The following TMTC2 variants were observed in gnomAD, a reference collection of about 807,000 sequenced individuals.
The protein encoded by TMTC2 is protein O-mannosyl-transferase TMTC2.
A neutral mutation model predicts 82.4 loss-of-function variants in TMTC2; 43 were observed. That is an observed-to-expected ratio of 0.52 (90% CI 0.41 to 0.67). The LOEUF (loss-of-function observed/expected upper bound fraction) is 0.67. Ranked by LOEUF, TMTC2 falls within the 30% of genes least tolerant of loss-of-function variation. The probability of loss-of-function intolerance (pLI) is 0.00; values close to 1 mark genes in which losing one functional copy is unlikely to be tolerated. For synonymous variants in TMTC2, 408 were observed against 381.9 expected (o/e 1.07, Z -0.80); for missense variants, 919 against 1,012.4 (o/e 0.91, Z 1.25).
At chr12:82,958,728 C>T (rs1215910462) in intron 4 of TMTC2, among the ~76,000 whole-genome samples, 1 of 151,962 alleles carries the variant, frequency 6.6e-6, no homozygotes, top group Non-Finnish European at 1.5e-5. Context: ...CAACATCATA[C>T]TAAGTGGACA....
Position 82,727,107 on chromosome 12 carries a change from G to GA in TMTC2, c.83+39448dup, listed in dbSNP as rs552949059. On this transcript the variant is annotated intron_variant, in intron 1 of 11. Coordinates refer to ENST00000321196, the MANE Select transcript of TMTC2 (RefSeq NM_152588.3). ...TTGTGTTGGAACTTTAAAACTAATT[G>GA]AAAAAAAAAACAACCAGAAAACTTA... Among the ~76,000 whole-genome samples the GA allele has an allele frequency of 4.9e-3, 678 of 139,280 alleles. 5 individuals carry two copies. Among genetic ancestry groups the GA allele is most frequent in the African/African-American group, 0.013 (511 of 37,928 alleles). 91.4% of individuals were successfully genotyped at this position (139,280 alleles called of 152,430 possible).
intron 1 of TMTC2, among the ~76,000 whole-genome samples, chr12:82,777,546 T>C (rs1877662230): frequency 1.3e-5 from 2 of 152,152 alleles, no homozygotes; most frequent in Non-Finnish European, 2.9e-5. Context: ...CTCTTTTATG[T>C]GTTCAAATCT....
chr12:82,888,851 A>T (rs1037744256), intron 2 of TMTC2, among the ~76,000 whole-genome samples: 8 of 152,160 alleles, frequency 5.3e-5, no homozygotes. Flanking sequence ...ATTATTTTCC[A>T]TTGAACTTAA....
rs188876848 is a variant in TMTC2, at chr12:83,073,081, A to C, written c.2331+11250A>C. On this transcript the variant is annotated intron_variant, in intron 11 of 11. Transcript: ENST00000321196. Reference sequence around the variant, plus strand: ...TTTTATTTTTTTGTTTTTGCTTTTTAACATGTATTTTTGTTTCATAGATCC... The same window carrying C: ...TTTTATTTTTTTGTTTTTGCTTTTTCACATGTATTTTTGTTTCATAGATCC... Among the ~76,000 whole-genome samples, 378 of 150,696 alleles carry C rather than the reference A, an allele frequency of 2.5e-3. 2 individuals are homozygous for C. The highest frequency in any genetic ancestry group is 8.9e-3 in the African/African-American group (367 of 41,080).
At chr12:82,985,838 TATG>T (rs145319328) in intron 7 of TMTC2, 84 bp from the exon 8 acceptor site, 14,759 of 1,405,862 alleles carry the variant, frequency 0.01, no homozygotes, top group South Asian at 0.018. Flanking sequence ...TTCCACGCAG[TATG>T]ATGATGATGA....
At chr12:82,886,018 C>T (rs1331710610) in intron 2 of TMTC2, among the ~76,000 whole-genome samples, 2 of 152,152 alleles carry the variant, frequency 1.3e-5, no homozygotes, top group African/African-American at 4.8e-5. Flanking sequence ...TTTTTTGTAT[C>T]ACTTATCAAT....
intron 11 of TMTC2, among the ~76,000 whole-genome samples, chr12:83,076,738 C>T (rs1883294159): frequency 6.6e-6 from 1 of 152,202 alleles, no homozygotes; most frequent in African/African-American, 2.4e-5. Context: ...AAACATTAAA[C>T]TAAAGTTGCT....
chr12:82,992,320 C>A (rs1358580470), intron 8 of TMTC2, among the ~76,000 whole-genome samples: 1 of 152,128 alleles, frequency 6.6e-6, no homozygotes, highest in Admixed American at 6.5e-5. Flanking sequence ...TGGAAGCTGA[C>A]CAATATTTGG....
chr12:82,941,515 T>C (rs1876719677), intron 4 of TMTC2, among the ~76,000 whole-genome samples: 1 of 152,202 alleles, frequency 6.6e-6, no homozygotes, highest in South Asian at 2.1e-4. Context: ...TCAACAGAGT[T>C]CAAGTTTGCT....
chr12:83,031,339 A>T (rs1881422385), intron 9 of TMTC2, among the ~76,000 whole-genome samples: 1 of 152,218 alleles, frequency 6.6e-6, no homozygotes, highest in South Asian at 2.1e-4. Flanking sequence ...TGTAAATGCC[A>T]AATATTGAGG....
intron 7 of TMTC2, among the ~76,000 whole-genome samples, chr12:82,967,923 T>C (rs1009036473): frequency 3.3e-5 from 5 of 152,084 alleles, no homozygotes; most frequent in African/African-American, 9.7e-5. Context: ...ACTTCTACAT[T>C]CTATATTTGA....
chr12:82,819,099 A>ATTCT (rs1868925241), intron 1 of TMTC2, among the ~76,000 whole-genome samples: 1 of 151,994 alleles, frequency 6.6e-6, no homozygotes, highest in South Asian at 2.1e-4. Flanking sequence ...TTATTTATAT[A>ATTCT]CATCCTAGAT....
At chr12:82,967,531 G>T (rs1463553055) in intron 7 of TMTC2, among the ~76,000 whole-genome samples, 1 of 151,962 alleles carries the variant, frequency 6.6e-6, no homozygotes, top group Non-Finnish European at 1.5e-5. Flanking sequence ...GGATTTTTCT[G>T]ATTATAAGAG....
intron 3 of TMTC2, among the ~76,000 whole-genome samples, chr12:82,897,254 A>G (rs1873733204): frequency 6.6e-6 from 1 of 152,230 alleles, no homozygotes; most frequent in Non-Finnish European, 1.5e-5. Context: ...TCACTTAGAA[A>G]AACACACTTC....
chr12:83,124,653 C>T (rs573111441), intron 11 of TMTC2, among the ~76,000 whole-genome samples: 1 of 150,704 alleles, frequency 6.6e-6, no homozygotes, highest in East Asian at 2.0e-4. Context: ...GGAATGAATG[C>T]TCAAAAGAGC....
chr12:83,100,043 C>T (rs1463909175), intron 11 of TMTC2, among the ~76,000 whole-genome samples: 1 of 152,004 alleles, frequency 6.6e-6, no homozygotes, highest in Non-Finnish European at 1.5e-5. Context: ...TCTCAGCCTC[C>T]CGAGTAGCTG....
chr12:83,073,875 T>C (rs1883196564), intron 11 of TMTC2, among the ~76,000 whole-genome samples: 1 of 152,174 alleles, frequency 6.6e-6, no homozygotes, highest in Admixed American at 6.5e-5. Flanking sequence ...ATTTCTCCTT[T>C]CAATTCTTAT....
intron 4 of TMTC2, among the ~76,000 whole-genome samples, chr12:82,954,546 G>A (rs1682592): frequency 0.69 from 105,076 of 152,136 alleles, 37,868 homozygotes; most frequent in South Asian, 0.84. Context: ...TTATCCTTCA[G>A]TATTTCCCTG....
chr12:82,913,195 T>C (rs755475258), intron 3 of TMTC2, among the ~76,000 whole-genome samples: 8 of 152,202 alleles, frequency 5.3e-5, no homozygotes, highest in Non-Finnish European at 8.8e-5. Context: ...CATTACACTT[T>C]AGCACAATGA....
Sources: gnomAD v4.1 joint callset for allele counts (sites outside exome capture counted in the v4.1 genomes callset) on GRCh38, gnomAD v4.1.1 for gene constraint, MANE v1.5 for transcripts, NCBI Gene and HGNC (gene_info 2026-07-23, HGNC 2026-07-21) for gene names.